RASEF: variants seen among roughly 807,000 people sequenced by gnomAD.
The protein encoded by RASEF is RAS and EF-hand domain containing.
Under a neutral mutation model 90.1 loss-of-function variants are expected in RASEF, and 68 were observed. The ratio of observed to expected loss-of-function variants is 0.75; its 90% CI spans 0.62 to 0.92. The LOEUF is 0.92. Ranked by LOEUF, RASEF falls within the 40% of genes least tolerant of loss-of-function variation. The probability of loss-of-function intolerance (pLI) is 0.00; values close to 1 mark genes in which losing one functional copy is unlikely to be tolerated. For synonymous variants in RASEF, 331 were observed against 345.2 expected (o/e 0.96, Z 0.46); for missense variants, 949 against 937.2 (o/e 1.01, Z -0.16).
At chr9:83,096,359 A>G in the RASEF span, among the ~76,000 whole-genome samples, 3 of 152,230 alleles carry the variant, frequency 2.0e-5, no homozygotes, top group East Asian at 5.8e-4. Context: ...AATGATCTAA[A>G]AAAAGACATT....
At chr9:83,115,640 A>T in the RASEF span, among the ~76,000 whole-genome samples, 1 of 152,172 alleles carries the variant, frequency 6.6e-6, no homozygotes, top group Non-Finnish European at 1.5e-5. Flanking sequence ...CTTCCCCACC[A>T]ACCACTCCCC....
chr9:83,000,636 A>G, intron 10 of RASEF, 66 bp from the exon 11 acceptor site: 1 of 1,411,992 alleles, frequency 7.1e-7, no homozygotes, highest in Non-Finnish European at 9.7e-7. Flanking sequence ...AAAGTCTAAA[A>G]TGTATACATT....
In RASEF at chr9:83,019,315, T is replaced by C. The variant is rs555338467; in HGVS notation, c.669+3021A>G. ...AATGAGCCAAAGATTTTTAATAAGATACTTCAGCAAAAAATATATATATAT... is the reference window on the plus strand; with the variant it reads ...AATGAGCCAAAGATTTTTAATAAGACACTTCAGCAAAAAATATATATATAT... On this transcript the variant is annotated intron_variant, in intron 3 of 16. Coordinates refer to ENST00000376447, the MANE Select transcript of RASEF (RefSeq NM_152573.4). Among the ~76,000 whole-genome samples the C allele has an allele frequency of 5.3e-5, 8 of 151,944 alleles. No individual in the cohort carries two copies. In the East Asian group the frequency reaches 1.2e-3, roughly 22 times the overall value.
chr9:83,100,132 C>T, the RASEF span, among the ~76,000 whole-genome samples: 2 of 152,184 alleles, frequency 1.3e-5, no homozygotes, highest in Non-Finnish European at 2.9e-5. Context: ...GACTTTATTT[C>T]TTCCCAGAAC....
At chr9:83,197,681 T>A in the RASEF span, among the ~76,000 whole-genome samples, 3 of 152,226 alleles carry the variant, frequency 2.0e-5, no homozygotes, top group Non-Finnish European at 2.9e-5. Flanking sequence ...TGGAGAATCA[T>A]GGCTCTCAGC....
the RASEF span, among the ~76,000 whole-genome samples, chr9:83,094,296 T>C: frequency 5.9e-5 from 9 of 151,574 alleles, 2 homozygotes; most frequent in African/African-American, 1.2e-4. Flanking sequence ...CACAACATTG[T>C]GAACACTTAG....
At chr9:83,110,551 A>G in the RASEF span, among the ~76,000 whole-genome samples, 2 of 152,186 alleles carry the variant, frequency 1.3e-5, no homozygotes, top group South Asian at 2.1e-4. Context: ...TTCAAACTTT[A>G]TATTTGAAGG....
rs772465464 is a variant in RASEF at position 83,005,494 on chromosome 9, A to G, written c.1035T>C (p.Ala345=). ...LERQIEILQT[A]NRKLHDSNDG... is the part of the protein sequence containing the mutation. Reference sequence around the variant, plus strand: ...CATTACTGTCATGTAGCTTCCGGTTAGCTGTTCTGCAGGGTAAAGAAACAA... The same window carrying G: ...CATTACTGTCATGTAGCTTCCGGTTGGCTGTTCTGCAGGGTAAAGAAACAA... The change falls in exon 8 of 17, where the codon GCT becomes GCC. Residue 345 remains alanine (A), a synonymous_variant. Transcript: ENST00000376447. The G allele has an allele frequency of 2.5e-6, 4 of 1,613,340 alleles. No homozygotes were observed. The highest frequency in any genetic ancestry group is 1.7e-6 in the Non-Finnish European group (2 of 1,179,408).
the RASEF span, among the ~76,000 whole-genome samples, chr9:83,103,279 C>A: frequency 6.6e-6 from 1 of 152,042 alleles, no homozygotes; most frequent in Non-Finnish European, 1.5e-5. Flanking sequence ...TTTAAACAAT[C>A]GGCTTATTAG....
chr9:83,022,402 C>G lies in RASEF; in HGVS notation c.603G>C (p.Gln201His). 2 of 1,614,040 alleles carry G rather than the reference C, an allele frequency of 1.2e-6. No homozygotes were observed. The highest frequency in any genetic ancestry group is 1.7e-6 in the Non-Finnish European group (2 of 1,179,912). Residue 201 changes from glutamine to histidine, a missense_variant, in exon 3 of 17, where the codon CAG (glutamine) becomes CAC (histidine). Physicochemically the swap from Gln to His is conservative, Grantham distance 24 (BLOSUM62 0). This residue lies in a region of RASEF where 656 missense variants were observed against 592.2 expected (regional missense o/e 1.11). Transcript: ENST00000376447. ...VKRAQDKAAM[Q>H]LSELEEEMDQ... ...CCATTTCCTCTTCCAACTCACTCAA[C>G]TGCATAGCTGCCTTGTCCTGGGCTC... is the stretch of plus-strand genomic sequence containing the variant.
upstream of RASEF, among the ~76,000 whole-genome samples, chr9:83,067,906 G>A (rs1278852250): frequency 6.6e-6 from 1 of 152,128 alleles, no homozygotes; most frequent in Non-Finnish European, 1.5e-5. Flanking sequence ...GTGACAGGGT[G>A]TCACTTTCTC....
chr9:83,186,797 AAATAG>A, the RASEF span, among the ~76,000 whole-genome samples: 1 of 152,174 alleles, frequency 6.6e-6, no homozygotes. Flanking sequence ...AACAATCTTT[AAATAG>A]AATATATGTA....
At chr9:83,138,114 A>T in the RASEF span, among the ~76,000 whole-genome samples, 2 of 151,914 alleles carry the variant, frequency 1.3e-5, no homozygotes, top group Non-Finnish European at 2.9e-5. Context: ...ACTTCACGTT[A>T]ATCTGCTTTT....
At chr9:83,145,263 C>T in the RASEF span, among the ~76,000 whole-genome samples, 1 of 152,142 alleles carries the variant, frequency 6.6e-6, no homozygotes, top group African/African-American at 2.4e-5. Context: ...ACGTCCATGT[C>T]TCTGGAGTGG....
the RASEF span, among the ~76,000 whole-genome samples, chr9:83,084,454 T>C: frequency 6.6e-6 from 1 of 152,200 alleles, no homozygotes; most frequent in Admixed American, 6.5e-5. Flanking sequence ...ATGTCTTACA[T>C]GAATTAACCT....
chr9:82,983,127 AC>A (rs1564066580), intron 16 of RASEF, among the ~76,000 whole-genome samples: 1 of 134,986 alleles, frequency 7.4e-6, no homozygotes, highest in African/African-American at 3.1e-5. Flanking sequence ...ACACACACAC[AC>A]ACACACACAC....
At chr9:83,008,891 CATATATATATATATAT>C (rs56810511) in intron 6 of RASEF, among the ~76,000 whole-genome samples, 772 of 19,570 alleles carry the variant, frequency 0.039, 21 homozygotes, top group Non-Finnish European at 0.073. Context: ...AAGTTCTCAT[CATATATATATATATAT>C]ATATATATAT....
At chr9:83,034,636 G>A (rs2062761) in intron 1 of RASEF, among the ~76,000 whole-genome samples, 93,345 of 152,100 alleles carry the variant, frequency 0.61, 29,412 homozygotes, top group East Asian at 0.77. Context: ...GGAGGCAGGA[G>A]GATAGAAACA....
the RASEF span, among the ~76,000 whole-genome samples, chr9:83,104,124 G>C: frequency 6.6e-6 from 1 of 152,074 alleles, no homozygotes. Flanking sequence ...GAAAATTTCT[G>C]TAAGACTTAT....
Sources: gnomAD v4.1 joint callset for allele counts (sites outside exome capture counted in the v4.1 genomes callset) on GRCh38, gnomAD v4.1.1 for gene constraint, gnomAD v4.1.1 regional missense constraint, MANE v1.5 for transcripts, NCBI Gene and HGNC (gene_info 2026-07-23, HGNC 2026-07-21) for gene names.